The following MAP4 variants were observed in gnomAD, a reference collection of about 807,000 sequenced individuals.
MAP4 encodes the protein microtubule associated protein 4, also known as microtubule-associated protein 4.
In MAP4, 76 loss-of-function variants were observed where a neutral mutation model predicts 170.2. The ratio of observed to expected loss-of-function variants is 0.45; its 90% CI spans 0.37 to 0.54. The LOEUF (loss-of-function observed/expected upper bound fraction) is 0.54. MAP4 is among the 20% of genes least tolerant of loss of function. The pLI is 0.00. For synonymous variants in MAP4, 909 were observed against 994.5 expected (o/e 0.91, Z 1.62); for missense variants, 2,506 against 2,748.0 (o/e 0.91, Z 1.97).
At chr3:48,063,349 T>C (rs1185979877) in intron 1 of MAP4, among the ~76,000 whole-genome samples, 1 of 151,698 alleles carries the variant, frequency 6.6e-6, no homozygotes, top group African/African-American at 2.4e-5. Flanking sequence ...GCCAAGAGGA[T>C]TGCTTGAGCC....
chr3:47,987,473 A>G (rs1352428951), intron 2 of MAP4: 2 of 1,356,342 alleles, frequency 1.5e-6, no homozygotes, highest in Non-Finnish European at 2.0e-6. Flanking sequence ...AATGTTCTGG[A>G]AAGTTACATC....
In MAP4 at chr3:48,025,421, G is replaced by A. The variant is rs114228295; in HGVS notation, c.-19-26542C>T. Among the ~76,000 whole-genome samples the A allele has an allele frequency of 4.2e-3, 640 of 151,020 alleles. 7 individuals are homozygous for A. Among genetic ancestry groups the A allele is most frequent in the African/African-American group, 0.015 (618 of 41,156 alleles). ...CTCATGCCTCAGCCTCCCAAGTAGC[G>A]GGCAGTACAGGCGTGCATCACCATG... On this transcript the variant is annotated intron_variant, in intron 1 of 18. Coordinates refer to the MAP4 transcript ENST00000360240.
Position 47,909,900 on chromosome 3 carries a change from T to A in MAP4, c.4521A>T (p.Gly1507=). 1 of 1,613,982 alleles carries A rather than the reference T, an allele frequency of 6.2e-7. No individual in the cohort carries two copies. Among genetic ancestry groups the A allele is most frequent in the Non-Finnish European group, 8.5e-7 (1 of 1,179,842 alleles). The change falls in exon 9 of 21, where the codon GGA becomes GGT. Residue 1507 remains glycine, a synonymous_variant. Transcript: ENST00000683076. ...TGGCTGTTGTAATAGGTAGAGCAAC[T>A]CCTCCTGTGCTTGTAGAGGGCACAA... is the stretch of plus-strand genomic sequence containing the variant. ...SAVVPSTSTG[G]VALPITTAIE...
chr3:47,981,587 C>T (rs750582743), intron 2 of MAP4, among the ~76,000 whole-genome samples: 2 of 151,758 alleles, frequency 1.3e-5, no homozygotes, highest in Non-Finnish European at 2.9e-5. Context: ...CTGGCCAATG[C>T]GGTGAAACCC....
intron 10 of MAP4, among the ~76,000 whole-genome samples, chr3:47,897,945 G>GGT (rs1469784807): frequency 7.5e-5 from 11 of 146,916 alleles, no homozygotes; most frequent in African/African-American, 2.9e-4. Flanking sequence ...CCATATCGGG[G>GGT]GGGGGAAAAA....
Position 47,855,713 on chromosome 3 carries a change from C to T in MAP4, c.6584-353G>A, listed in dbSNP as rs1452745851. Among the ~76,000 whole-genome samples, 1 of 152,132 alleles carries T rather than the reference C, an allele frequency of 6.6e-6. No homozygotes were observed. Among genetic ancestry groups the T allele is most frequent in the Non-Finnish European group, 1.5e-5 (1 of 68,018 alleles). ...TCTACTCTGTGTGGGAATGCCCTCC[C>T]GCTAACTGGGCCATGCAGTGCTTCT... On this transcript the variant is annotated intron_variant, in intron 18 of 20. Transcript: ENST00000683076. The surrounding 1 kb of genome is among the most constrained non-coding windows in gnomAD (Gnocchi z 5.1).
rs1028925579 is a variant in MAP4 at position 47,926,058 on chromosome 3, GT to G, written c.415+2169del. Among the ~76,000 whole-genome samples the G allele has an allele frequency of 1.9e-4, 29 of 151,806 alleles. 1 individual carries two copies. The highest frequency in any genetic ancestry group is 6.3e-4 in the African/African-American group (26 of 41,404). On this transcript the variant is annotated intron_variant, in intron 4 of 20. Transcript: ENST00000683076. Reference sequence around the variant, plus strand: ...TTTAGTAGAGATGGGGTTTCACCATGTTGGCCAGGCTGGTCTCGAACTCCTG... The same window carrying G: ...TTTAGTAGAGATGGGGTTTCACCATGTGGCCAGGCTGGTCTCGAACTCCTG...
At chr3:47,875,644 G>T in intron 12 of MAP4, 41 bp downstream of exon 12, 1 of 1,536,802 alleles carries the variant, frequency 6.5e-7, no homozygotes, top group Non-Finnish European at 8.9e-7. Flanking sequence ...CACTCAGAGG[G>T]GAACAATTTT....
chr3:47,946,135 G>A (rs2100059736), intron 3 of MAP4, among the ~76,000 whole-genome samples: 1 of 149,926 alleles, frequency 6.7e-6, no homozygotes, highest in African/African-American at 2.4e-5. Flanking sequence ...AGTAGAGATG[G>A]GGTTTCACCA....
intron 2 of MAP4, among the ~76,000 whole-genome samples, chr3:47,988,126 G>A (rs976201431): frequency 7.3e-5 from 11 of 151,666 alleles, no homozygotes; most frequent in African/African-American, 1.9e-4. Context: ...CCCGGGAGGC[G>A]GAGCTTGCAG....
At chr3:47,970,373 T>C (rs1271795950) in intron 3 of MAP4, among the ~76,000 whole-genome samples, 1 of 151,936 alleles carries the variant, frequency 6.6e-6, no homozygotes, top group Non-Finnish European at 1.5e-5. Context: ...TAATCCCAGC[T>C]ACTTGGGAGG....
intron 1 of MAP4, among the ~76,000 whole-genome samples, chr3:48,055,675 A>G (rs1207237258): frequency 2.8e-5 from 2 of 72,136 alleles, no homozygotes; most frequent in Non-Finnish European, 5.5e-5. Context: ...ATCGTCTGGG[A>G]TGTGAGGAGC....
At chr3:47,854,739 C>A (rs906825576) in intron 19 of MAP4, among the ~76,000 whole-genome samples, 8 of 60,826 alleles carry the variant, frequency 1.3e-4, no homozygotes, top group Middle Eastern at 0.015. Context: ...GAGGGAGGCC[C>A]CAGGCAGGCC....
At chr3:47,881,710 G>C (rs1177763297) in intron 10 of MAP4, among the ~76,000 whole-genome samples, 1 of 150,978 alleles carries the variant, frequency 6.6e-6, no homozygotes, top group Non-Finnish European at 1.5e-5. Context: ...CGGTTCAAGT[G>C]ATCCTCCTAC....
chr3:48,068,164 C>A (rs561176415), intron 1 of MAP4, among the ~76,000 whole-genome samples: 96 of 148,410 alleles, frequency 6.5e-4, no homozygotes, highest in African/African-American at 2.3e-3. Context: ...ACTCAGGAGG[C>A]TGAGGTGGGA....
intron 10 of MAP4, chr3:47,891,572 AG>A (rs1264261517): frequency 6.5e-7 from 1 of 1,532,728 alleles, no homozygotes; most frequent in Non-Finnish European, 8.7e-7. Context: ...GGGAACTGAG[AG>A]GTGAGAACAT....
intron 1 of MAP4, among the ~76,000 whole-genome samples, chr3:48,085,627 A>G (rs2154574640): frequency 6.6e-6 from 1 of 152,304 alleles, no homozygotes; most frequent in Non-Finnish European, 1.5e-5. Flanking sequence ...TTCCTTGATT[A>G]AAATACCCGT....
chr3:48,071,708 A>G (rs962858147), intron 1 of MAP4, among the ~76,000 whole-genome samples: 3 of 151,462 alleles, frequency 2.0e-5, no homozygotes, highest in African/African-American at 7.3e-5. Flanking sequence ...GTAGATCACT[A>G]GAGGTCAGGA....
intron 10 of MAP4, among the ~76,000 whole-genome samples, chr3:47,879,732 G>C (rs1037119025): frequency 3.3e-5 from 5 of 151,990 alleles, no homozygotes; most frequent in Non-Finnish European, 5.9e-5. Context: ...ACCTGGCCTG[G>C]AGTGGCTGGT....
Sources: gnomAD v4.1 joint callset for allele counts (sites outside exome capture counted in the v4.1 genomes callset) on GRCh38, gnomAD v4.1.1 for gene constraint, Gnocchi (gnomAD v3.1) non-coding constraint, MANE v1.5 for transcripts, NCBI Gene and HGNC (gene_info 2026-07-23, HGNC 2026-07-21) for gene names.